The following PTMA variants were observed in gnomAD, a reference collection of about 807,000 sequenced individuals.
PTMA encodes prothymosin alpha.
In PTMA, 4 loss-of-function variants were observed where a neutral mutation model predicts 16.9. The ratio of observed to expected loss-of-function variants is 0.24; its 90% CI spans 0.12 to 0.54. The LOEUF (loss-of-function observed/expected upper bound fraction) is 0.54. PTMA is among the 20% of genes least tolerant of loss of function. The pLI is 0.95. For synonymous variants in PTMA, 58 were observed against 47.9 expected (o/e 1.21, Z -0.87); for missense variants, 120 against 137.7 (o/e 0.87, Z 0.64).
At chr2:231,710,409 G>A (rs2048502362) in intron 1 of PTMA, 5 of 1,149,990 alleles carry the variant, frequency 4.3e-6, no homozygotes, top group Non-Finnish European at 5.4e-6. Context: ...TGCGCGCCGC[G>A]ACCTCCCTGC....
At chr2:231,710,535 T>A (rs1173098665) in intron 1 of PTMA, 1 of 747,336 alleles carries the variant, frequency 1.3e-6, no homozygotes, top group African/African-American at 1.9e-5. Context: ...CCGGAGCCGC[T>A]CGCCGGACAG....
Position 231,711,978 on chromosome 2 carries a change from G to C in PTMA, c.206G>C (p.Gly69Ala). 1 of 1,568,864 alleles carries C rather than the reference G, an allele frequency of 6.4e-7. No homozygotes were observed. The highest frequency in any genetic ancestry group is 1.2e-5 in the South Asian group (1 of 85,842). Residue 69 changes from glycine (G) to alanine (A), a missense_variant, in exon 3 of 5, where the codon GGT (glycine) becomes GCT (alanine). Physicochemically the swap from Gly to Ala is moderately conservative, Grantham distance 60. Transcript: ENST00000409115. ...GGEEEEEEEE[G>A]DGEEEDGDED... ...GAGGAAGAGGAGGAGGAAGAAGAAGGTGATGGTGAGTAGCCTTGTCTATCT... is the reference window on the plus strand; with the variant it reads ...GAGGAAGAGGAGGAGGAAGAAGAAGCTGATGGTGAGTAGCCTTGTCTATCT...
chr2:231,712,626 A>T (rs944889037), intron 4 of PTMA, 110 bp downstream of exon 4: 1 of 1,358,878 alleles, frequency 7.4e-7, no homozygotes, highest in Non-Finnish European at 1.0e-6. Flanking sequence ...GTAGGTGGCC[A>T]CTGTGTGGTC....
chr2:231,710,292 A>T (rs1231728196), intron 1 of PTMA: 3 of 1,281,192 alleles, frequency 2.3e-6, no homozygotes, highest in East Asian at 6.0e-5. Flanking sequence ...GCCGGCCGGG[A>T]GTCTCCAAGG....
In PTMA at chr2:231,711,339, C is replaced by G. The variant is rs773857629; in HGVS notation, c.46-9C>G. ...TTACTGGTTACTGGTTCCTTCTTCC[C>G]TTTTGAAGGACTTAAAGGAGAAGAA... On this transcript the variant is annotated splice_polypyrimidine_tract_variant and intron_variant, in intron 1 of 4. Coordinates refer to ENST00000409115, the MANE Select transcript of PTMA (RefSeq NM_002823.5). The G allele has an allele frequency of 2.5e-6, 4 of 1,613,248 alleles. No homozygotes were observed. The highest frequency in any genetic ancestry group is 3.3e-5 in the Admixed American group (2 of 59,992).
intron 4 of PTMA, 111 bp downstream of exon 4, chr2:231,712,627 C>G (rs192459330): frequency 7.5e-7 from 1 of 1,337,530 alleles, no homozygotes; most frequent in Non-Finnish European, 1.1e-6. Context: ...TAGGTGGCCA[C>G]TGTGTGGTCC....
In PTMA at chr2:231,708,611, C is replaced by T; in HGVS notation, c.-96C>T. 6 of 1,532,976 alleles carry T rather than the reference C, an allele frequency of 3.9e-6. No individual in the cohort carries two copies. The highest frequency in any genetic ancestry group is 5.3e-6 in the Non-Finnish European group (6 of 1,123,498). The allele number at this position is 1,532,976 out of a possible 1,614,324, so 95.0% of individuals were successfully genotyped here. A position where few individuals can be genotyped will look rare whatever the true frequency, so the allele number is the denominator to read the frequency against. The stretch of plus-strand genomic sequence containing the variant: ...CGCAGCCGCCTCCGCCGCGCGCCTC[C>T]TCCGCCGCCGCGGACTCCGGCAGCT... On this transcript the variant is annotated 5_prime_UTR_variant, in exon 1 of 5. Coordinates refer to ENST00000409115, the MANE Select transcript of PTMA (RefSeq NM_002823.5).
chr2:231,710,486 G>A, intron 1 of PTMA: 2 of 1,028,126 alleles, frequency 1.9e-6, no homozygotes, highest in Non-Finnish European at 2.5e-6. Context: ...TCCGCGGAGC[G>A]GAGCGGGGCG....
At chr2:231,709,257 C>T (rs1197595468) in intron 1 of PTMA, among the ~76,000 whole-genome samples, 2 of 152,132 alleles carry the variant, frequency 1.3e-5, no homozygotes, top group African/African-American at 2.4e-5. Context: ...CTGCAGCGGA[C>T]CTGAGGTGGT....
intron 1 of PTMA, chr2:231,710,307 G>A (rs1575350611): frequency 8.0e-7 from 1 of 1,251,550 alleles, no homozygotes; most frequent in Non-Finnish European, 1.0e-6. Flanking sequence ...CCAAGGCAAG[G>A]GACGCACTCG....
rs201368548 is a variant in PTMA at position 231,713,440 on chromosome 2, A to T, written c.*589A>T. 2.0e-6 allele frequency: 1 copy of T among 503,684 alleles called. No individual in the cohort carries two copies. The highest frequency in any genetic ancestry group is 2.4e-5 in the Admixed American group (1 of 42,406). The allele number at this position is 503,684 out of a possible 1,614,324, so 31.2% of individuals were successfully genotyped here. A position where few individuals can be genotyped will look rare whatever the true frequency, so the allele number is the denominator to read the frequency against. On this transcript the variant is annotated 3_prime_UTR_variant, in exon 5 of 5. Coordinates refer to ENST00000409115, the MANE Select transcript of PTMA (RefSeq NM_002823.5). ...TTTCTTTTTTTTTCCTTTTTTGTCTATGAAGTTGCTGTTTATTTTTTTTGG... is the reference window on the plus strand; with the variant it reads ...TTTCTTTTTTTTTCCTTTTTTGTCTTTGAAGTTGCTGTTTATTTTTTTTGG...
intron 3 of PTMA, 45 bp from the exon 4 acceptor site, chr2:231,712,398 C>T (rs140043520): frequency 6.3e-7 from 1 of 1,578,176 alleles, no homozygotes; most frequent in African/African-American, 1.3e-5. Flanking sequence ...CCAGGAGCCA[C>T]AGTAGGAGGG....
intron 2 of PTMA, 93 bp from the exon 3 acceptor site, chr2:231,711,797 G>T (rs947568517): frequency 6.4e-7 from 1 of 1,556,434 alleles, no homozygotes; most frequent in Non-Finnish European, 8.7e-7. Flanking sequence ...AGATGCAGCC[G>T]CCAGCCTCTG....
At chr2:231,710,131 C>T (rs985103234) in intron 1 of PTMA, 4 of 1,249,672 alleles carry the variant, frequency 3.2e-6, no homozygotes, top group South Asian at 7.4e-5. Context: ...CGGACCTACG[C>T]AGCCCGGTGG....
At chr2:231,710,187 A>T (rs781634004) in intron 1 of PTMA, 2 of 1,305,992 alleles carry the variant, frequency 1.5e-6, no homozygotes, top group Non-Finnish European at 2.0e-6. Flanking sequence ...GAATGCAGAC[A>T]TTCGGGCCTG....
Position 231,708,609 on chromosome 2 carries a change from T to A in PTMA, c.-98T>A, listed in dbSNP as rs1211356927. 1.4e-5 allele frequency: 21 copies of A among 1,508,420 alleles called. No individual in the cohort carries two copies. In the South Asian group the frequency reaches 1.8e-4, roughly 13 times the overall value. The allele number at this position is 1,508,420 out of a possible 1,614,324, so 93.4% of individuals were successfully genotyped here. On this transcript the variant is annotated 5_prime_UTR_variant, in exon 1 of 5. Transcript: ENST00000409115. ...GCCGCAGCCGCCTCCGCCGCGCGCC[T>A]CCTCCGCCGCCGCGGACTCCGGCAG... is the stretch of plus-strand genomic sequence containing the variant.
rs1004885688 is a variant in PTMA at position 231,712,973 on chromosome 2, G to A, written c.*122G>A. 26 of 1,078,082 alleles carry A rather than the reference G, an allele frequency of 2.4e-5. No homozygotes were observed. The highest frequency in any genetic ancestry group is 2.8e-5 in the Non-Finnish European group (21 of 750,548). The allele number at this position is 1,078,082 out of a possible 1,614,324, so 66.8% of individuals were successfully genotyped here. A position where few individuals can be genotyped will look rare whatever the true frequency, so the allele number is the denominator to read the frequency against. On this transcript the variant is annotated 3_prime_UTR_variant, in exon 5 of 5. Transcript: ENST00000409115. ...GAGTAGAGAGGCCCGCCCGCCCACCGTGGGCAGTGCCACCCGCAGATGACA... is the reference window on the plus strand; with the variant it reads ...GAGTAGAGAGGCCCGCCCGCCCACCATGGGCAGTGCCACCCGCAGATGACA...
Position 231,708,752 on chromosome 2 carries a change from G to A in PTMA, c.45+1G>A. 1 of 1,602,864 alleles carries A rather than the reference G, an allele frequency of 6.2e-7. No homozygotes were observed. Reference sequence around the variant, plus strand: ...CACCAGCTCCGAAATCACCACCAAGGTGAGGCTGGACGCCGCCCGCCCCCT... The same window carrying A: ...CACCAGCTCCGAAATCACCACCAAGATGAGGCTGGACGCCGCCCGCCCCCT... On this transcript the variant is annotated splice_donor_variant, in intron 1 of 4. Coordinates refer to ENST00000409115, the MANE Select transcript of PTMA (RefSeq NM_002823.5). LOFTEE classifies it high-confidence loss of function.
chr2:231,708,663 C>G lies in PTMA; in HGVS notation c.-44C>G, dbSNP rs11558924. The stretch of plus-strand genomic sequence containing the variant: ...TATCGCCAGAGTCCCTGAACTCTCG[C>G]TTTCTTTTTAATCCCCTGCATCGGA... On this transcript the variant is annotated 5_prime_UTR_variant, in exon 1 of 5. Transcript: ENST00000409115. 27 of 1,597,862 alleles carry G rather than the reference C, an allele frequency of 1.7e-5. No individual in the cohort carries two copies. Among genetic ancestry groups the G allele is most frequent in the Non-Finnish European group, 2.2e-5 (26 of 1,177,864 alleles).
Sources: gnomAD v4.1 joint callset for allele counts (sites outside exome capture counted in the v4.1 genomes callset) on GRCh38, gnomAD v4.1.1 for gene constraint, MANE v1.5 for transcripts, NCBI Gene and HGNC (gene_info 2026-07-23, HGNC 2026-07-21) for gene names.